The following AMPD3 variants were observed in gnomAD, a reference collection of about 807,000 sequenced individuals.
AMPD3 encodes adenosine monophosphate deaminase 3, also known as AMP deaminase 3.
AMPD3 carries 57 observed loss-of-function variants against 82.3 expected under a neutral mutation model. The observed-to-expected ratio is 0.69, with a 90% confidence interval of 0.56 to 0.86. The LOEUF is 0.86. AMPD3 is among the 40% of genes least tolerant of loss of function. AMPD3 has a pLI of 0.00. For missense variants in AMPD3, 870 were observed against 1,003.8 expected (o/e 0.87, Z 1.80); for synonymous variants, 381 against 394.7 (o/e 0.97, Z 0.41).
In AMPD3 at chr11:10,506,296, G is replaced by A; in HGVS notation, c.*412G>A. 1 of 239,252 alleles carries A rather than the reference G, an allele frequency of 4.2e-6. No homozygotes were observed. The highest frequency in any genetic ancestry group is 8.4e-6 in the Non-Finnish European group (1 of 119,172). The allele number at this position is 239,252 out of a possible 1,614,324, so 14.8% of individuals were successfully genotyped here. ...GTTCATTTCAGCCTCTGGATGGCTG[G>A]CTGCCTTAAACACAATCAATTTCAA... On this transcript the variant is annotated 3_prime_UTR_variant, in exon 15 of 15. Coordinates refer to ENST00000396553, the MANE Select transcript of AMPD3 (RefSeq NM_001025389.2). This position sits in a 1 kb window ranked among gnomAD's most constrained non-coding sequence, Gnocchi z 4.1.
intron 6 of AMPD3, chr11:10,488,160 A>C: frequency 3.1e-6 from 3 of 969,028 alleles, no homozygotes; most frequent in Non-Finnish European, 3.7e-6. Context: ...GGCTCCTGGC[A>C]GTCTCCGCCT....
chr11:10,501,017 C>A lies in AMPD3; in HGVS notation c.1722-453C>A, dbSNP rs894240347. The stretch of plus-strand genomic sequence containing the variant: ...AGGGTGGAGGCAGTCCTGGGCTGAG[C>A]TTTTGGAGATGGGGGCTCTGGTTCT... On this transcript the variant is annotated intron_variant, in intron 11 of 14. Coordinates refer to ENST00000396553, the MANE Select transcript of AMPD3 (RefSeq NM_001025389.2). The A allele has an allele frequency of 3.0e-6, 3 of 985,224 alleles. No homozygotes were observed. The African/African-American group carries it at 5.2e-5, about 17-fold the overall frequency. 61.0% of individuals were successfully genotyped at this position (985,224 alleles called of 1,614,324 possible).
In AMPD3 at chr11:10,496,115, C is replaced by G. The variant is rs954234492; in HGVS notation, c.1430+382C>G. 7 of 545,248 alleles carry G rather than the reference C, an allele frequency of 1.3e-5. No individual in the cohort carries two copies. The African/African-American group carries it at 1.4e-4, about 11-fold the overall frequency. The allele number at this position is 545,248 out of a possible 1,614,324, so 33.8% of individuals were successfully genotyped here. A position where few individuals can be genotyped will look rare whatever the true frequency, so the allele number is the denominator to read the frequency against. On this transcript the variant is annotated intron_variant, in intron 9 of 14. Coordinates refer to ENST00000396553, the MANE Select transcript of AMPD3 (RefSeq NM_001025389.2). ...TATTTTTAGTAGAGATGGGGTTTCACCATCTTGGCCAGGCTGGTCTTGAAC... is the reference window on the plus strand; with the variant it reads ...TATTTTTAGTAGAGATGGGGTTTCAGCATCTTGGCCAGGCTGGTCTTGAAC...
intron 2 of AMPD3, among the ~76,000 whole-genome samples, chr11:10,471,763 G>A (rs1425865184): frequency 6.6e-6 from 1 of 152,244 alleles, no homozygotes; most frequent in Non-Finnish European, 1.5e-5. Context: ...TCTCACGCCA[G>A]TTAGAATGGC....
rs1849529037 is a variant in AMPD3 at position 10,499,957 on chromosome 11, C to T, written c.1558-129C>T. The T allele has an allele frequency of 4.6e-6, 7 of 1,526,328 alleles. No individual in the cohort carries two copies. In the East Asian group the frequency reaches 1.7e-4, roughly 37 times the overall value. 94.5% of individuals were successfully genotyped at this position (1,526,328 alleles called of 1,614,324 possible). A position where few individuals can be genotyped will look rare whatever the true frequency, so the allele number is the denominator to read the frequency against. ...TATGGCCTCAGGCAGGCCAAGGGGT[C>T]CCCAGCTGAGGTGTGAACCTGAGGG... On this transcript the variant is annotated intron_variant, in intron 10 of 14. Transcript: ENST00000396553.
At chr11:10,451,172 C>A, upstream of AMPD3, 1 of 1,484,402 alleles carries the variant, frequency 6.7e-7, no homozygotes, top group East Asian at 2.7e-5. Context: ...GAGGCGGTGG[C>A]GCTGACTCCG....
At position 10,505,400 on chromosome 11, in the gene AMPD3, C is replaced by A. The variant is rs1158914289; in HGVS notation, c.2128-308C>A. Reference sequence around the variant, plus strand: ...CAGGGGCTTCTTAATTAGAGTCTTACCTCCTTCCCCTTTGCCTTTCCCATC... The same window carrying A: ...CAGGGGCTTCTTAATTAGAGTCTTAACTCCTTCCCCTTTGCCTTTCCCATC... On this transcript the variant is annotated intron_variant, in intron 14 of 14. Transcript: ENST00000396553. The A allele has an allele frequency of 5.9e-6, 5 of 844,628 alleles. No individual in the cohort carries two copies. The African/African-American group carries it at 2.3e-4, about 38-fold the overall frequency. 52.3% of individuals were successfully genotyped at this position (844,628 alleles called of 1,614,324 possible).
In AMPD3 at chr11:10,476,161, C is replaced by T. The variant is rs553264501; in HGVS notation, c.222-2365C>T. 1.8e-4 allele frequency among the ~76,000 whole-genome samples: 27 copies of T among 152,330 alleles called. No individual in the cohort carries two copies. In the South Asian group the frequency reaches 4.8e-3, roughly 27 times the overall value. On this transcript the variant is annotated intron_variant, in intron 2 of 14. Coordinates refer to ENST00000396553, the MANE Select transcript of AMPD3 (RefSeq NM_001025389.2). ...CTTTTCCAATTTCCTGAGATACAAG[C>T]TGTGGTTAACTTCCAGTTCTTCCAA... is the stretch of plus-strand genomic sequence containing the variant.
intron 14 of AMPD3, chr11:10,505,436 G>A: frequency 1.0e-6 from 1 of 985,210 alleles, no homozygotes. Context: ...CCCAGCAGCT[G>A]CTGCAGACCT....
chr11:10,504,932 G>A (rs1849675968), intron 14 of AMPD3: 1 of 204,088 alleles, frequency 4.9e-6, no homozygotes, highest in South Asian at 1.7e-4. Flanking sequence ...CCCTTAATCA[G>A]TTTTTCTCCA....
intron 1 of AMPD3, chr11:10,460,864 A>C: frequency 1.0e-6 from 1 of 984,656 alleles, no homozygotes; most frequent in Non-Finnish European, 1.2e-6. Context: ...GGAGGTGGAT[A>C]GAGAAAGCTT....
chr11:10,484,907 G>A lies in AMPD3; in HGVS notation c.677G>A (p.Gly226Glu). 1 of 1,614,054 alleles carries A rather than the reference G, an allele frequency of 6.2e-7. No individual in the cohort carries two copies. The highest frequency in any genetic ancestry group is 1.3e-5 in the African/African-American group (1 of 74,984). ...CTGGATTACTTGGTCCACATGCAGG[G>A]GGGCATCCTCTTTGTGTATGATAAC... ...PNLDYLVHMQ[G>E]GILFVYDNKK... is the part of the protein sequence containing the mutation. Residue 226 changes from glycine (G) to glutamate (E), a missense_variant, in exon 5 of 15, where the codon GGG (glycine) becomes GAG (glutamate). By Grantham distance (98) the Gly-to-Glu change is moderately conservative. Coordinates refer to ENST00000396553, the MANE Select transcript of AMPD3 (RefSeq NM_001025389.2).
intron 9 of AMPD3, 154 bp from the exon 10 acceptor site, chr11:10,496,658 G>A: frequency 2.1e-6 from 3 of 1,459,500 alleles, no homozygotes; most frequent in Non-Finnish European, 1.9e-6. Flanking sequence ...TGGGAGAGGA[G>A]GACAGAGGAG....
intron 2 of AMPD3, chr11:10,477,955 C>T (rs1231420391): frequency 4.7e-5 from 46 of 985,344 alleles, no homozygotes; most frequent in Non-Finnish European, 5.3e-5. Flanking sequence ...TGAGCACTGT[C>T]TCGACTCCTT....
At position 10,497,497 on chromosome 11, in the gene AMPD3, C is replaced by T. The variant is rs1849447544; in HGVS notation, c.1557+559C>T. On this transcript the variant is annotated intron_variant, in intron 10 of 14. Transcript: ENST00000396553. ...GGAGCCGGTCCCACCCTCCGGATGCCTGGGATCGAGGGGGTATCAGATGGT... is the reference window on the plus strand; with the variant it reads ...GGAGCCGGTCCCACCCTCCGGATGCTTGGGATCGAGGGGGTATCAGATGGT... 9 of 878,242 alleles carry T rather than the reference C, an allele frequency of 1.0e-5. No homozygotes were observed. In the South Asian group the frequency reaches 4.7e-4, roughly 46 times the overall value. 54.4% of individuals were successfully genotyped at this position (878,242 alleles called of 1,614,324 possible).
At chr11:10,485,213 A>G (rs1849032865) in intron 5 of AMPD3, among the ~76,000 whole-genome samples, 174 bp downstream of exon 5, 1 of 152,098 alleles carries the variant, frequency 6.6e-6, no homozygotes, top group Middle Eastern at 3.2e-3. Context: ...GTTTTCCTTC[A>G]TAAGCTGGCA....
rs914416069 is a variant in AMPD3 at position 10,497,045 on chromosome 11, G to A, written c.1557+107G>A. On this transcript the variant is annotated intron_variant, in intron 10 of 14. Coordinates refer to ENST00000396553, the MANE Select transcript of AMPD3 (RefSeq NM_001025389.2). ...CCTGCCCTTCACGATGGTATCTTAG[G>A]TCCTGCCACCTGTGTTCCAGGCGTG... 2.8e-6 allele frequency: 4 copies of A among 1,414,746 alleles called. No individual in the cohort carries two copies. In the African/African-American group the frequency reaches 4.2e-5, roughly 15 times the overall value. 87.6% of individuals were successfully genotyped at this position (1,414,746 alleles called of 1,614,324 possible). A position where few individuals can be genotyped will look rare whatever the true frequency, so the allele number is the denominator to read the frequency against.
In AMPD3 at chr11:10,456,349, C is replaced by A; in HGVS notation, c.-6+901C>A. On this transcript the variant is annotated intron_variant, in intron 1 of 14. Coordinates refer to ENST00000396553, the MANE Select transcript of AMPD3 (RefSeq NM_001025389.2). This position sits in a 1 kb window ranked among gnomAD's most constrained non-coding sequence, Gnocchi z 4.3. ...TCCTGGGTGGCAGGCAGCACCTCACCCGGGTGCATCACTTGAGTGGCATCT... is the reference window on the plus strand; with the variant it reads ...TCCTGGGTGGCAGGCAGCACCTCACACGGGTGCATCACTTGAGTGGCATCT... The A allele has an allele frequency of 6.2e-7, 1 of 1,613,472 alleles. No homozygotes were observed. Among genetic ancestry groups the A allele is most frequent in the Non-Finnish European group, 8.5e-7 (1 of 1,179,524 alleles).
rs772691805 is a variant in AMPD3, at chr11:10,485,081, C to A, written c.809+42C>A. The A allele has an allele frequency of 4.5e-6, 7 of 1,565,776 alleles. No homozygotes were observed. The highest frequency in any genetic ancestry group is 1.8e-5 in the Admixed American group (1 of 55,276). On this transcript the variant is annotated intron_variant, in intron 5 of 14. Coordinates refer to ENST00000396553, the MANE Select transcript of AMPD3 (RefSeq NM_001025389.2). Reference sequence around the variant, plus strand: ...GCGGCTGCCTGTCTTTGCACAGGTGCTGTTCTGTAGGAAGGAGATGAGAAA... The same window carrying A: ...GCGGCTGCCTGTCTTTGCACAGGTGATGTTCTGTAGGAAGGAGATGAGAAA...
Sources: allele counts gnomAD v4.1 joint callset (sites outside exome capture counted in the v4.1 genomes callset), GRCh38; gene constraint gnomAD v4.1.1; non-coding constraint Gnocchi (gnomAD v3.1); transcripts MANE v1.5; gene names NCBI Gene and HGNC (gene_info 2026-07-23, HGNC 2026-07-21).